The following NOSTRIN variants were observed in gnomAD, a reference collection of about 807,000 sequenced individuals.
The protein encoded by NOSTRIN is nitric oxide synthase trafficking.
A neutral mutation model predicts 59.0 loss-of-function variants in NOSTRIN; 63 were observed. That is an observed-to-expected ratio of 1.07 (90% confidence interval 0.87 to 1.32). The LOEUF is 1.32. NOSTRIN is among the 40% of genes most tolerant of loss of function. The pLI, the probability that NOSTRIN is intolerant of heterozygous loss-of-function variation, is 0.00. For missense variants in NOSTRIN, 512 were observed against 473.1 expected (o/e 1.08, Z -0.76); for synonymous variants, 200 against 165.4 (o/e 1.21, Z -1.61).
At chr2:168,818,057 G>T (rs1421798794) in intron 2 of NOSTRIN, 2 of 163,522 alleles carry the variant, frequency 1.2e-5, no homozygotes, top group African/African-American at 4.7e-5. Flanking sequence ...CCCAACAGAA[G>T]AATTTGAGGT....
intron 2 of NOSTRIN, among the ~76,000 whole-genome samples, chr2:168,819,113 A>G (rs1686579821): frequency 2.0e-5 from 3 of 152,320 alleles, no homozygotes; most frequent in South Asian, 4.2e-4. Context: ...GACTATTTTA[A>G]TGAGGGAATG....
intron 2 of NOSTRIN, among the ~76,000 whole-genome samples, chr2:168,822,594 T>C (rs770379512): frequency 6.6e-6 from 1 of 152,246 alleles, no homozygotes; most frequent in Admixed American, 6.5e-5. Flanking sequence ...TTAGGATCTA[T>C]ATTAAAAAGG....
intron 2 of NOSTRIN, among the ~76,000 whole-genome samples, chr2:168,814,697 AAGG>A (rs57495214): frequency 0.014 from 2,174 of 152,300 alleles, 47 homozygotes; most frequent in African/African-American, 0.046. Flanking sequence ...AGATACAGTG[AAGG>A]AGGACATGGG....
intron 1 of NOSTRIN, among the ~76,000 whole-genome samples, chr2:168,810,944 C>T (rs17200181): frequency 0.021 from 3,253 of 152,014 alleles, 52 homozygotes; most frequent in South Asian, 0.041. Context: ...TTCTCGTGTC[C>T]GCAGGATAAA....
At chr2:168,855,540 G>A (rs991364298) in intron 11 of NOSTRIN, 80 bp downstream of exon 11, 8 of 629,856 alleles carry the variant, frequency 1.3e-5, no homozygotes, top group African/African-American at 8.0e-5. Flanking sequence ...GGATTGATCT[G>A]CTTTTGCTAT....
chr2:168,811,949 T>A (rs1686160665), intron 2 of NOSTRIN: 2 of 219,134 alleles, frequency 9.1e-6, no homozygotes, highest in East Asian at 2.1e-4. Context: ...TGATGCATAG[T>A]CTCATTATTG....
At chr2:168,858,041 A>G (rs946357392) in intron 12 of NOSTRIN, among the ~76,000 whole-genome samples, 4 of 152,382 alleles carry the variant, frequency 2.6e-5, no homozygotes, top group Admixed American at 2.0e-4. Flanking sequence ...TTATGAAATT[A>G]TAAAACAGAC....
intron 2 of NOSTRIN, among the ~76,000 whole-genome samples, chr2:168,792,205 A>T (rs1176393211): frequency 6.6e-6 from 1 of 152,150 alleles, no homozygotes; most frequent in Non-Finnish European, 1.5e-5. Flanking sequence ...TAAAATTTTC[A>T]GATCTCTAGA....
chr2:168,802,784 A>G (rs1452007789), intron 1 of NOSTRIN, 111 bp downstream of exon 1: 2 of 791,160 alleles, frequency 2.5e-6, no homozygotes, highest in Non-Finnish European at 4.4e-6. Context: ...AACCAAACAC[A>G]TTTAGATATT....
chr2:168,800,070 G>T (rs1173641260), upstream of NOSTRIN, among the ~76,000 whole-genome samples: 4 of 152,140 alleles, frequency 2.6e-5, no homozygotes, highest in Non-Finnish European at 5.9e-5. Context: ...CACTCTTGTG[G>T]CTCCTCTGCC....
At chr2:168,801,718 GT>G (rs1462277770), upstream of NOSTRIN, among the ~76,000 whole-genome samples, 2 of 152,190 alleles carry the variant, frequency 1.3e-5, no homozygotes, top group East Asian at 3.9e-4. Flanking sequence ...GCAAATGGCT[GT>G]CGTACATCAA....
chr2:168,856,584 AAT>A, intron 11 of NOSTRIN, 104 bp from the exon 12 acceptor site: 13 of 975,318 alleles, frequency 1.3e-5, no homozygotes, highest in Non-Finnish European at 1.9e-5. Flanking sequence ...TAAAAAAAAA[AAT>A]CTCACTGGTA....
At chr2:168,854,319 G>A (rs1049852825) in intron 10 of NOSTRIN, among the ~76,000 whole-genome samples, 8 of 152,170 alleles carry the variant, frequency 5.3e-5, no homozygotes, top group Admixed American at 2.0e-4. Context: ...TCTCTCAGCC[G>A]GGATCCTAAT....
chr2:168,792,031 T>C (rs1382164038), intron 2 of NOSTRIN, among the ~76,000 whole-genome samples: 3 of 152,294 alleles, frequency 2.0e-5, no homozygotes, highest in South Asian at 4.2e-4. Flanking sequence ...CCATTGCTTT[T>C]GGTGTTTTAG....
chr2:168,847,627 T>C (rs991773008), intron 8 of NOSTRIN, among the ~76,000 whole-genome samples: 1 of 152,222 alleles, frequency 6.6e-6, no homozygotes, highest in African/African-American at 2.4e-5. Context: ...GTCATGATGC[T>C]TGGGCCCCAG....
intron 2 of NOSTRIN, among the ~76,000 whole-genome samples, chr2:168,816,718 C>T (rs901335032): frequency 2.0e-5 from 3 of 152,212 alleles, no homozygotes; most frequent in African/African-American, 4.8e-5. Flanking sequence ...AGCTCTTACA[C>T]CCTGCACTGT....
rs1689312462 is a variant in NOSTRIN at position 168,859,530 on chromosome 2, C to A, written c.1072C>A (p.Leu358Ile). ...LMDENNLKLD[L>I]LEANSYKLSS... The stretch of plus-strand genomic sequence containing the variant: ...TCCACAGAACAATTTGAAACTAGAC[C>A]TTTTGGAAGCGAACTCCTACAAACT... Residue 358 changes from leucine to isoleucine, a missense_variant, in exon 13 of 16, where the codon CTT becomes ATT. Leu to Ile is a conservative substitution (Grantham distance 5). Transcript: ENST00000317647. The A allele has an allele frequency of 1.2e-6, 2 of 1,613,840 alleles. No homozygotes were observed. The highest frequency in any genetic ancestry group is 2.7e-5 in the African/African-American group (2 of 74,894).
chr2:168,856,905 G>T, intron 12 of NOSTRIN, 127 bp downstream of exon 12: 1 of 775,400 alleles, frequency 1.3e-6, no homozygotes, highest in Admixed American at 2.3e-5. Flanking sequence ...TCTAGTGGGG[G>T]AGCTTATAGG....
intron 1 of NOSTRIN, among the ~76,000 whole-genome samples, chr2:168,806,372 TGGGCCA>T: frequency 6.6e-6 from 1 of 152,102 alleles, no homozygotes. Flanking sequence ...AAAGAGCAGG[TGGGCCA>T]AGCTTGATAT....
Sources: allele counts gnomAD v4.1 joint callset (sites outside exome capture counted in the v4.1 genomes callset), GRCh38; gene constraint gnomAD v4.1.1; transcripts MANE v1.5; gene names NCBI Gene and HGNC (gene_info 2026-07-23, HGNC 2026-07-21).